Variants in CLDN14 observed in about 807,000 individuals in gnomAD.
CLDN14 encodes claudin-14.
CLDN14 carries 2 observed loss-of-function variants against 2.1 expected under a neutral mutation model. The ratio of observed to expected loss-of-function variants is 0.96; its 90% CI spans 0.39 to 3.01. The LOEUF is 3.01. Ranked by LOEUF, CLDN14 falls within the 30% of genes most tolerant of loss-of-function variation. CLDN14 has a pLI of 0.09. For missense variants in CLDN14, 298 were observed against 328.0 expected (o/e 0.91, Z 0.71); for synonymous variants, 136 against 154.4 (o/e 0.88, Z 0.88).
intron 2 of CLDN14, among the ~76,000 whole-genome samples, chr21:36,508,114 C>A (rs1250737229): frequency 6.6e-6 from 1 of 152,146 alleles, no homozygotes; most frequent in Non-Finnish European, 1.5e-5. Context: ...ATGCTCTTGG[C>A]CGAAGAGTAT....
At chr21:36,477,363 GTTTAC>G (rs1205440678) in intron 1 of CLDN14, 1 of 152,206 alleles carries the variant, frequency 6.6e-6, no homozygotes, top group African/African-American at 2.4e-5. Flanking sequence ...GGTTTCATAT[GTTTAC>G]TTTACCTTCA....
At chr21:36,570,449 T>C (rs1757689380) in intron 1 of CLDN14, among the ~76,000 whole-genome samples, 1 of 152,172 alleles carries the variant, frequency 6.6e-6, no homozygotes, top group African/African-American at 2.4e-5. Context: ...GGGATGCCCT[T>C]GCCTGAGAGG....
At chr21:36,571,745 C>T (rs902754349) in intron 1 of CLDN14, among the ~76,000 whole-genome samples, 4 of 152,100 alleles carry the variant, frequency 2.6e-5, no homozygotes, top group African/African-American at 9.7e-5. Flanking sequence ...GGAGACAAGC[C>T]CTGCCAAATT....
intron 2 of CLDN14, among the ~76,000 whole-genome samples, chr21:36,491,495 T>A (rs2086964345): frequency 6.6e-6 from 1 of 152,296 alleles, no homozygotes; most frequent in East Asian, 1.9e-4. Flanking sequence ...TTCCGCGTAC[T>A]TTTTGGGTCT....
chr21:36,565,254 T>G (rs2087664634), intron 1 of CLDN14, among the ~76,000 whole-genome samples: 1 of 152,144 alleles, frequency 6.6e-6, no homozygotes, highest in Admixed American at 6.5e-5. Context: ...GGGGTCAGTT[T>G]GTCTCTCAGC....
At chr21:36,528,631 T>C (rs1369814304) in intron 1 of CLDN14, among the ~76,000 whole-genome samples, 4 of 152,172 alleles carry the variant, frequency 2.6e-5, no homozygotes, top group Non-Finnish European at 5.9e-5. Flanking sequence ...TATTGGGGTA[T>C]GTGGGTCCCT....
chr21:36,510,447 T>G (rs2087175779), exon 2 of CLDN14: 1 of 152,312 alleles, frequency 6.6e-6, no homozygotes, highest in African/African-American at 2.4e-5. Flanking sequence ...AGACTGCGGC[T>G]TCAACAGTTC....
intron 1 of CLDN14, among the ~76,000 whole-genome samples, chr21:36,521,067 G>A (rs2835379): frequency 0.89 from 134,678 of 152,106 alleles, 60,308 homozygotes; most frequent in African/African-American, 0.94. Context: ...AAAAGCTGTC[G>A]TTTCAGAAAG....
intron 1 of CLDN14, among the ~76,000 whole-genome samples, chr21:36,470,017 A>G (rs2086690862): frequency 6.6e-6 from 1 of 152,206 alleles, no homozygotes; most frequent in South Asian, 2.1e-4. Context: ...AAAAAATACT[A>G]GAAAAGTAAA....
chr21:36,539,661 ATG>A (rs1313689312), intron 1 of CLDN14, among the ~76,000 whole-genome samples: 1 of 112,534 alleles, frequency 8.9e-6, no homozygotes, highest in Admixed American at 9.0e-5. Context: ...TGTAGTGAGT[ATG>A]TGTGTAGTGA....
chr21:36,570,068 G>A (rs545217473), intron 1 of CLDN14, among the ~76,000 whole-genome samples: 9 of 152,274 alleles, frequency 5.9e-5, no homozygotes, highest in Admixed American at 3.9e-4. Context: ...CCAGTAAGAC[G>A]TACACTGATT....
intron 1 of CLDN14, chr21:36,477,298 A>T (rs539830032): frequency 3.7e-4 from 56 of 152,342 alleles, no homozygotes; most frequent in African/African-American, 1.3e-3. Flanking sequence ...GCATTGAGTT[A>T]GAATGTTGAA....
intron 1 of CLDN14, among the ~76,000 whole-genome samples, chr21:36,546,320 G>A (rs969197853): frequency 2.0e-5 from 3 of 152,192 alleles, no homozygotes; most frequent in Admixed American, 1.3e-4. Context: ...CAGTGTCAAA[G>A]CGTCTCTGTG....
chr21:36,460,778 T>G lies in CLDN14; in HGVS notation c.*198A>C, dbSNP rs2086556029. The G allele has an allele frequency of 8.3e-6, 5 of 601,616 alleles. No individual in the cohort carries two copies. The South Asian group carries it at 1.1e-4, about 14-fold the overall frequency. 37.3% of individuals were successfully genotyped at this position (601,616 alleles called of 1,614,324 possible). A position where few individuals can be genotyped will look rare whatever the true frequency, so the allele number is the denominator to read the frequency against. On this transcript the variant is annotated 3_prime_UTR_variant, in exon 2 of 2. Coordinates refer to ENST00000399135, the MANE Select transcript of CLDN14 (RefSeq NM_001146079.2). This position sits in a 1 kb window ranked among gnomAD's most constrained non-coding sequence, Gnocchi z 4.0. ...CAGACAGGATTTTTTTTTTCAGTCT[T>G]TGGTATAGAGAGCTTTCTCCTCCTC...
At chr21:36,469,293 T>A (rs1042502083) in intron 1 of CLDN14, among the ~76,000 whole-genome samples, 9 of 146,094 alleles carry the variant, frequency 6.2e-5, no homozygotes, top group African/African-American at 2.4e-4. Context: ...AAAATAATAT[T>A]TTCTTCATTA....
chr21:36,517,298 A>G lies in CLDN14; in HGVS notation c.-219-6798T>C, dbSNP rs149356816. Reference sequence around the variant, plus strand: ...TCTCTCTAGCTGTTTTCATCCTACCACTATAGTGCTGAGTAGTTCTAACAA... The same window carrying G: ...TCTCTCTAGCTGTTTTCATCCTACCGCTATAGTGCTGAGTAGTTCTAACAA... On this transcript the variant is annotated intron_variant, in intron 1 of 2. Coordinates refer to the CLDN14 transcript ENST00000342108. Among the ~76,000 whole-genome samples the G allele has an allele frequency of 5.3e-5, 8 of 152,338 alleles. No individual in the cohort carries two copies. In the East Asian group the frequency reaches 1.5e-3, roughly 29 times the overall value.
At chr21:36,493,826 G>A (rs142533097) in intron 2 of CLDN14, among the ~76,000 whole-genome samples, 75 of 152,262 alleles carry the variant, frequency 4.9e-4, no homozygotes, top group African/African-American at 1.7e-3. Flanking sequence ...ATGAGCACAC[G>A]CTGGGATTCC....
upstream of CLDN14, chr21:36,481,161 A>G (rs2086841668): frequency 6.6e-6 from 1 of 152,162 alleles, no homozygotes; most frequent in African/African-American, 2.4e-5. Flanking sequence ...CAGATATACT[A>G]TTTCACTATC....
At chr21:36,513,859 TCTAA>T (rs1370486025) in intron 1 of CLDN14, among the ~76,000 whole-genome samples, 2 of 148,532 alleles carry the variant, frequency 1.3e-5, no homozygotes, top group Non-Finnish European at 2.9e-5. Flanking sequence ...TGAAACAGGG[TCTAA>T]CTTTTTCGCT....
Sources: allele counts gnomAD v4.1 joint callset (sites outside exome capture counted in the v4.1 genomes callset), GRCh38; gene constraint gnomAD v4.1.1; non-coding constraint Gnocchi (gnomAD v3.1); transcripts MANE v1.5; gene names NCBI Gene and HGNC (gene_info 2026-07-23, HGNC 2026-07-21).